OTOA: variants seen among roughly 807,000 people sequenced by gnomAD.
The protein encoded by OTOA is otoancorin.
A neutral mutation model predicts 110.8 loss-of-function variants in OTOA; 70 were observed. The observed-to-expected ratio is 0.63, with a 90% CI of 0.52 to 0.77. OTOA has a LOEUF of 0.77. Ranked by LOEUF, OTOA falls within the 30% of genes least tolerant of loss-of-function variation. OTOA has a pLI of 0.00. For synonymous variants in OTOA, 373 were observed against 431.5 expected, an observed-to-expected ratio of 0.86 and a Z score of 1.68; for missense variants, 917 against 1,075.8, an observed-to-expected ratio of 0.85 and a Z score of 2.06.
intron 18 of OTOA, among the ~76,000 whole-genome samples, chr16:21,725,993 G>A (rs1898903370): frequency 1.3e-5 from 2 of 152,152 alleles, no homozygotes; most frequent in East Asian, 1.9e-4. Context: ...AGAGTGGAAG[G>A]CAGAGTTCTG....
intron 9 of OTOA, among the ~76,000 whole-genome samples, chr16:21,692,673 A>G (rs1897854785): frequency 6.6e-6 from 1 of 152,028 alleles, no homozygotes; most frequent in African/African-American, 2.4e-5. Context: ...CATGCCTACA[A>G]TCCAGCACTT....
chr16:21,726,535 G>A lies in OTOA; in HGVS notation c.1893G>A (p.Leu631=). The change falls in exon 19 of 29, where the codon CTG becomes CTA. Residue 631 remains leucine, a synonymous_variant. Coordinates refer to ENST00000646100, the MANE Select transcript of OTOA (RefSeq NM_144672.4). The stretch of plus-strand genomic sequence containing the variant: ...CATCTCTCTCCAGGGCCCGCTACCT[G>A]GCTTCTGTCCCAGCCTCCCAGTGTG... The part of the protein sequence containing the change: ...FLLAALPARY[L]ASVPASQCVP... The A allele has an allele frequency of 1.9e-6, 3 of 1,613,824 alleles. No individual in the cohort carries two copies. The highest frequency in any genetic ancestry group is 2.5e-6 in the Non-Finnish European group (3 of 1,180,018).
At chr16:21,720,917 T>TATTATC (rs1384876759) in intron 17 of OTOA, among the ~76,000 whole-genome samples, 26 of 149,276 alleles carry the variant, frequency 1.7e-4, no homozygotes, top group African/African-American at 6.4e-4. Flanking sequence ...TTATTATTAT[T>TATTATC]ATTATCATTA....
chr16:21,695,891 A>ATATATTTTTTTTTTT (rs569493650), intron 9 of OTOA, among the ~76,000 whole-genome samples: 4 of 41,904 alleles, frequency 9.5e-5, no homozygotes, highest in African/African-American at 2.9e-4. Context: ...ATATATATAT[A>ATATATTTTTTTTTTT]TTTTTTTTTT....
At chr16:21,675,735 C>T (rs960309577) in intron 1 of OTOA, among the ~76,000 whole-genome samples, 1 of 151,890 alleles carries the variant, frequency 6.6e-6, no homozygotes, top group Non-Finnish European at 1.5e-5. Flanking sequence ...TCGCACCTAC[C>T]ATGTCTCTCC....
At chr16:21,707,641 CTTTCTTTCTTTCTT>C (rs1898220807) in intron 12 of OTOA, among the ~76,000 whole-genome samples, 1 of 102,112 alleles carries the variant, frequency 9.8e-6, no homozygotes, top group Non-Finnish European at 2.2e-5. Context: ...TTCTTTCTTT[CTTTCTTTCTTTCTT>C]TCTCTTTCTT....
At chr16:21,736,632 A>C (rs1597857134) in intron 22 of OTOA, among the ~76,000 whole-genome samples, 1 of 152,164 alleles carries the variant, frequency 6.6e-6, no homozygotes, top group Non-Finnish European at 1.5e-5. Context: ...GGAGTTCGAG[A>C]CCAGCCTGGC....
chr16:21,760,548 G>C lies in OTOA; in HGVS notation c.*8G>C. The C allele has an allele frequency of 1.2e-6, 2 of 1,605,242 alleles. No individual in the cohort carries two copies. Among genetic ancestry groups the C allele is most frequent in the Non-Finnish European group, 1.7e-6 (2 of 1,176,550 alleles). ...GCCAAGCTCCTGTGGTGAGTGGCCT[G>C]AGCGCATCGTCCTGTGTTGCCCCAA... On this transcript the variant is annotated 3_prime_UTR_variant, in exon 29 of 29. Coordinates refer to ENST00000646100, the MANE Select transcript of OTOA (RefSeq NM_144672.4).
intron 9 of OTOA, among the ~76,000 whole-genome samples, chr16:21,692,468 C>T (rs899237323): frequency 6.6e-6 from 1 of 152,126 alleles, no homozygotes. Context: ...TTGCTTAAAG[C>T]CTCCTTGTGT....
chr16:21,723,087 G>A, intron 18 of OTOA, 109 bp downstream of exon 18: 2 of 1,111,634 alleles, frequency 1.8e-6, no homozygotes, highest in Non-Finnish European at 2.7e-6. Flanking sequence ...ACCAGAGGCA[G>A]AGTGGAGGAT....
rs1003764483 is a variant in OTOA, at chr16:21,731,216, G to T, written c.2301+286G>T. Among the ~76,000 whole-genome samples, 3 of 152,322 alleles carry T rather than the reference G, an allele frequency of 2.0e-5. No individual in the cohort carries two copies. In the East Asian group the frequency reaches 5.8e-4, roughly 29 times the overall value. On this transcript the variant is annotated intron_variant, in intron 21 of 28. Coordinates refer to ENST00000646100, the MANE Select transcript of OTOA (RefSeq NM_144672.4). Reference sequence around the variant, plus strand: ...TCTGCTATTAGTGTGCATCTCACACGCACGTCTGTTCTGGCTCTCACACTG... The same window carrying T: ...TCTGCTATTAGTGTGCATCTCACACTCACGTCTGTTCTGGCTCTCACACTG...
rs1198511080 is a variant in OTOA at position 21,721,035 on chromosome 16, C to G, written c.1806+1531C>G. Among the ~76,000 whole-genome samples the G allele has an allele frequency of 3.3e-5, 5 of 151,586 alleles. No homozygotes were observed. In the East Asian group the frequency reaches 9.6e-4, roughly 29 times the overall value. On this transcript the variant is annotated intron_variant, in intron 17 of 28. Transcript: ENST00000646100. ...GTTCAAGTGATTCTCCTGCCTCAGT[C>G]TCCTGTCTAACTGGGATTCTAGGTG...
At chr16:21,694,346 G>A (rs138203070) in intron 9 of OTOA, among the ~76,000 whole-genome samples, 3 of 152,080 alleles carry the variant, frequency 2.0e-5, no homozygotes, top group East Asian at 1.9e-4. Flanking sequence ...GGAGGCTGAG[G>A]GGGGGAGGAT....
At chr16:21,717,741 C>T (rs570741199) in intron 15 of OTOA, among the ~76,000 whole-genome samples, 1 of 152,242 alleles carries the variant, frequency 6.6e-6, no homozygotes, top group East Asian at 1.9e-4. Flanking sequence ...GTCTTCATTA[C>T]ATGCATCCAG....
intron 13 of OTOA, among the ~76,000 whole-genome samples, chr16:21,714,300 T>TCTTCATTCCTTCCTTCCTTC (rs1898456008): frequency 1.0e-5 from 1 of 100,344 alleles, no homozygotes; most frequent in Non-Finnish European, 2.1e-5. Context: ...TCTTTTCCTT[T>TCTTCATTCCTTCCTTCCTTC]CTTCCTTCCT....
chr16:21,729,052 T>TA (rs1899025538), intron 20 of OTOA, among the ~76,000 whole-genome samples: 3 of 151,410 alleles, frequency 2.0e-5, no homozygotes, highest in African/African-American at 2.4e-5. Flanking sequence ...ATTTTTTTTT[T>TA]AAATGGGGTC....
In OTOA at chr16:21,664,183, C is replaced by A. The variant is rs534626179; in HGVS notation, c.-54C>A. On this transcript the variant is annotated 5_prime_UTR_variant, in exon 1 of 29. It introduces an in-frame stop codon into an upstream open reading frame of the 5' UTR. Coordinates refer to ENST00000646100, the MANE Select transcript of OTOA (RefSeq NM_144672.4). ...GCATGAGCCCCGCGGCCCCGCCCTGCGCCACCCGCCCGCCCGTGGGACTCA... is the reference window on the plus strand; with the variant it reads ...GCATGAGCCCCGCGGCCCCGCCCTGAGCCACCCGCCCGCCCGTGGGACTCA... 9.2e-5 allele frequency: 14 copies of A among 152,232 alleles called. No individual in the cohort carries two copies. The highest frequency in any genetic ancestry group is 3.4e-4 in the African/African-American group (14 of 41,540). 9.4% of individuals were successfully genotyped at this position (152,232 alleles called of 1,614,324 possible).
Position 21,722,971 on chromosome 16 carries a change from G to A in OTOA, c.1873G>A (p.Ala625Thr). ...RLSMPPFLLA[A>T]LPARYLASVP... Reference sequence around the variant, plus strand: ...GTCTATGCCACCTTTCCTCTTGGCTGCACTCCCGTAAGTGAACATCAGCCC... The same window carrying A: ...GTCTATGCCACCTTTCCTCTTGGCTACACTCCCGTAAGTGAACATCAGCCC... Residue 625 changes from alanine (A) to threonine (T), a missense_variant, in exon 18 of 29, where the codon GCA becomes ACA. Ala to Thr is a moderately conservative substitution (Grantham distance 58). This residue lies in a region of OTOA where 840 missense variants were observed against 910.2 expected (regional missense o/e 0.92). Transcript: ENST00000646100. The A allele has an allele frequency of 6.2e-7, 1 of 1,614,026 alleles. No individual in the cohort carries two copies. The highest frequency in any genetic ancestry group is 1.1e-5 in the South Asian group (1 of 91,084).
At chr16:21,744,339 G>A (rs1274407532) in intron 23 of OTOA, among the ~76,000 whole-genome samples, 3 of 152,168 alleles carry the variant, frequency 2.0e-5, no homozygotes, top group Admixed American at 2.0e-4. Context: ...TAGAGGCAGG[G>A]TTTCGTTATG....
Sources: gnomAD v4.1 joint callset for allele counts (sites outside exome capture counted in the v4.1 genomes callset) on GRCh38, gnomAD v4.1.1 for gene constraint, gnomAD v4.1.1 regional missense constraint, MANE v1.5 for transcripts, NCBI Gene and HGNC (gene_info 2026-07-23, HGNC 2026-07-21) for gene names.